Variants in TTC7B observed in about 807,000 individuals in gnomAD.
TTC7B encodes tetratricopeptide repeat protein 7B.
A neutral mutation model predicts 106.8 loss-of-function variants in TTC7B; 28 were observed. The observed-to-expected ratio is 0.26, with a 90% CI of 0.19 to 0.36. The LOEUF (loss-of-function observed/expected upper bound fraction) is 0.36. TTC7B is among the 10% of genes least tolerant of loss of function. TTC7B has a pLI of 1.00. For missense variants in TTC7B, 862 were observed against 1,076.4 expected, an observed-to-expected ratio of 0.80 and a Z score of 2.79; for synonymous variants, 405 against 430.6, an observed-to-expected ratio of 0.94 and a Z score of 0.74.
intron 15 of TTC7B, among the ~76,000 whole-genome samples, chr14:90,618,699 C>T (rs1010638641): frequency 6.6e-6 from 1 of 152,214 alleles, no homozygotes; most frequent in African/African-American, 2.4e-5. Flanking sequence ...TCTTTCGTGG[C>T]CCCACAGGGT....
chr14:90,800,911 C>T (rs2030224034), intron 1 of TTC7B, among the ~76,000 whole-genome samples: 2 of 152,022 alleles, frequency 1.3e-5, no homozygotes, highest in Non-Finnish European at 2.9e-5. Context: ...GGCAGCCAGG[C>T]ACGATGGCTC....
rs551266700 is a variant in TTC7B at position 90,564,082 on chromosome 14, C to T, written c.2310+14024G>A. Among the ~76,000 whole-genome samples, 12 of 151,714 alleles carry T rather than the reference C, an allele frequency of 7.9e-5. 1 individual carries two copies. Among genetic ancestry groups the T allele is most frequent in the African/African-American group, 2.7e-4 (11 of 41,312 alleles). On this transcript the variant is annotated intron_variant, in intron 19 of 19. Transcript: ENST00000328459. ...GATGATCTTAATGGCATCTAGAATG[C>T]TGTATCCTTTCTAGAAGGTTTTCAG...
Position 90,570,696 on chromosome 14 carries a change from A to C in TTC7B, c.2310+7410T>G, listed in dbSNP as rs549256082. Among the ~76,000 whole-genome samples the C allele has an allele frequency of 2.0e-5, 3 of 152,298 alleles. No individual in the cohort carries two copies. The East Asian group carries it at 5.8e-4, about 29-fold the overall frequency. On this transcript the variant is annotated intron_variant, in intron 19 of 19. Transcript: ENST00000328459. This position sits in a 1 kb window ranked among gnomAD's most constrained non-coding sequence, Gnocchi z 4.0. Reference sequence around the variant, plus strand: ...CAGGAGATGACTCACTCACTGTCAAACAGACGCAAAGGATCTCCCAGCCCA... The same window carrying C: ...CAGGAGATGACTCACTCACTGTCAACCAGACGCAAAGGATCTCCCAGCCCA...
chr14:90,552,055 G>A (rs534754712), intron 19 of TTC7B, among the ~76,000 whole-genome samples: 65 of 152,366 alleles, frequency 4.3e-4, no homozygotes, highest in Non-Finnish European at 8.8e-4. Flanking sequence ...CCAAGTGTGT[G>A]TGTCTTGGCT....
In TTC7B at chr14:90,578,342, G is replaced by A. The variant is rs904990496; in HGVS notation, c.2108-34C>T. 6.2e-7 allele frequency: 1 copy of A among 1,600,008 alleles called. No homozygotes were observed. The highest frequency in any genetic ancestry group is 1.3e-5 in the African/African-American group (1 of 74,870). On this transcript the variant is annotated intron_variant, in intron 18 of 19. Coordinates refer to ENST00000328459, the MANE Select transcript of TTC7B (RefSeq NM_001010854.2). The surrounding 1 kb of genome is among the most constrained non-coding windows in gnomAD (Gnocchi z 4.7). ...AGACAGCAACGGCACATGCTTTCCT[G>A]GTGCCCCTCTGAGGCCCTGCGAGCA... is the stretch of plus-strand genomic sequence containing the variant.
intron 3 of TTC7B, among the ~76,000 whole-genome samples, chr14:90,745,701 G>A (rs1243177526): frequency 2.7e-5 from 4 of 147,892 alleles, no homozygotes; most frequent in Non-Finnish European, 1.5e-5. Flanking sequence ...TTCAATTTTT[G>A]TTTTTCTTTT....
intron 1 of TTC7B, among the ~76,000 whole-genome samples, chr14:90,812,591 GC>G (rs553696319): frequency 8.5e-4 from 130 of 152,228 alleles, no homozygotes; most frequent in African/African-American, 3.1e-3. Flanking sequence ...CCACACTTCA[GC>G]CCACGAGGGC....
intron 19 of TTC7B, among the ~76,000 whole-genome samples, chr14:90,559,729 C>T (rs1051439926): frequency 3.3e-5 from 5 of 152,214 alleles, no homozygotes; most frequent in African/African-American, 1.2e-4. Flanking sequence ...TAACAGCTGC[C>T]GGGTACATCC....
rs557587734 is a variant in TTC7B, at chr14:90,644,279, A to G, written c.1591-71T>C. On this transcript the variant is annotated intron_variant, in intron 14 of 19. Transcript: ENST00000328459. ...CACGCACACACACACACACACACAC[A>G]CGCGCGAAAGAAGCCATCTTTTCAA... 770 of 948,928 alleles carry G rather than the reference A, an allele frequency of 8.1e-4. 1 individual carries two copies. In the African/African-American group the frequency reaches 8.6e-3, roughly 11 times the overall value. 58.8% of individuals were successfully genotyped at this position (948,928 alleles called of 1,614,324 possible). A position where few individuals can be genotyped will look rare whatever the true frequency, so the allele number is the denominator to read the frequency against.
chr14:90,586,732 T>C (rs1891730356), intron 18 of TTC7B, among the ~76,000 whole-genome samples: 1 of 152,226 alleles, frequency 6.6e-6, no homozygotes, highest in Non-Finnish European at 1.5e-5. Context: ...TTCTGAAATG[T>C]AGACCGGAAC....
intron 1 of TTC7B, among the ~76,000 whole-genome samples, chr14:90,803,834 A>G (rs1053530580): frequency 1.3e-5 from 2 of 151,012 alleles, no homozygotes; most frequent in African/African-American, 4.9e-5. Context: ...ACACACACAC[A>G]CAATTCCTAG....
chr14:90,530,624 A>AGGAGG lies in TTC7B; in HGVS notation c.*10743_*10744insCCTCC, dbSNP rs1889261203. On this transcript the variant is annotated 3_prime_UTR_variant, in exon 20 of 20. Transcript: ENST00000328459. ...GGTCAGAGGCAGAGAAGGAGGAGTC[A>AGGAGG]CAGAGATCGCTCTACAGCAGAGGTC... 2 of 152,428 alleles carry AGGAGG rather than the reference A, an allele frequency of 1.3e-5. No individual in the cohort carries two copies. The highest frequency in any genetic ancestry group is 4.1e-4 in the South Asian group (2 of 4,832). 9.4% of individuals were successfully genotyped at this position (152,428 alleles called of 1,614,324 possible).
chr14:90,780,934 C>T, intron 2 of TTC7B, 28 bp from the exon 3 acceptor site: 2 of 1,607,782 alleles, frequency 1.2e-6, no homozygotes, highest in Non-Finnish European at 1.7e-6. Context: ...GAAAGAAAAG[C>T]ATTTTCCTAC....
At chr14:90,581,422 G>A (rs981617695) in intron 18 of TTC7B, among the ~76,000 whole-genome samples, 19 of 152,132 alleles carry the variant, frequency 1.2e-4, no homozygotes, top group African/African-American at 1.4e-4. Context: ...TGACACCATC[G>A]GGCTGTCTGA....
Position 90,816,166 on chromosome 14 carries a change from G to T in TTC7B, c.121+9C>A. On this transcript the variant is annotated intron_variant, in intron 1 of 19. Coordinates refer to ENST00000328459, the MANE Select transcript of TTC7B (RefSeq NM_001010854.2). ...CCCCGCAGCCCAGGCCGGCGCGCCC[G>T]GAGCGTACCGTTGGCGATGAGCTTG... 8.1e-7 allele frequency: 1 copy of T among 1,233,156 alleles called. No individual in the cohort carries two copies. The highest frequency in any genetic ancestry group is 1.0e-6 in the Non-Finnish European group (1 of 956,250). 76.4% of individuals were successfully genotyped at this position (1,233,156 alleles called of 1,614,324 possible). A position where few individuals can be genotyped will look rare whatever the true frequency, so the allele number is the denominator to read the frequency against.
At chr14:90,588,540 G>A (rs1346669610) in intron 18 of TTC7B, among the ~76,000 whole-genome samples, 1 of 152,118 alleles carries the variant, frequency 6.6e-6, no homozygotes, top group Non-Finnish European at 1.5e-5. Flanking sequence ...CCAGCAGTAA[G>A]GTGTGCACTC....
intron 19 of TTC7B, among the ~76,000 whole-genome samples, chr14:90,554,427 T>C (rs1890215444): frequency 6.6e-6 from 1 of 152,192 alleles, no homozygotes. Context: ...GTGTTCGGGT[T>C]CCGGGGGTGG....
At chr14:90,721,530 AT>A (rs5810518) in intron 5 of TTC7B, among the ~76,000 whole-genome samples, 21,343 of 151,900 alleles carry the variant, frequency 0.14, 2,406 homozygotes, top group African/African-American at 0.32. Context: ...CTTTATCTTT[AT>A]TTTTTTAATT....
chr14:90,560,729 G>C (rs1890537829), intron 19 of TTC7B, among the ~76,000 whole-genome samples: 1 of 152,192 alleles, frequency 6.6e-6, no homozygotes, highest in Non-Finnish European at 1.5e-5. Context: ...CAATTTCCTT[G>C]TAAACTGGGC....
Sources: gnomAD v4.1 joint callset for allele counts (sites outside exome capture counted in the v4.1 genomes callset) on GRCh38, gnomAD v4.1.1 for gene constraint, Gnocchi (gnomAD v3.1) non-coding constraint, MANE v1.5 for transcripts, NCBI Gene and HGNC (gene_info 2026-07-23, HGNC 2026-07-21) for gene names.